Variants in NRG3 observed in about 807,000 individuals in gnomAD.
NRG3 encodes the protein neuregulin 3.
NRG3 carries 31 observed loss-of-function variants against 66.9 expected under a neutral mutation model. The ratio of observed to expected loss-of-function variants is 0.46; its 90% CI spans 0.35 to 0.63. NRG3 has a LOEUF of 0.63. Ranked by LOEUF, NRG3 falls within the 20% of genes least tolerant of loss-of-function variation. The pLI is 0.00. For missense variants in NRG3, 910 were observed against 878.9 expected (o/e 1.04, Z -0.45); for synonymous variants, 393 against 359.4 (o/e 1.09, Z -1.06).
intron 1 of NRG3, among the ~76,000 whole-genome samples, chr10:82,100,012 A>C (rs1264993265): frequency 6.6e-6 from 1 of 150,872 alleles, no homozygotes; most frequent in Admixed American, 6.6e-5. Context: ...ATTTAAAAAA[A>C]CAAGTAAAAT....
intron 8 of NRG3, among the ~76,000 whole-genome samples, chr10:82,982,338 C>CA (rs1853012256): frequency 6.6e-6 from 1 of 152,144 alleles, no homozygotes; most frequent in African/African-American, 2.4e-5. Flanking sequence ...TGCTTCGACT[C>CA]ACATAGTTAC....
intron 1 of NRG3, among the ~76,000 whole-genome samples, chr10:82,094,972 C>T (rs1178431187): frequency 6.6e-6 from 1 of 152,198 alleles, no homozygotes; most frequent in Non-Finnish European, 1.5e-5. Context: ...AAAGCCCTGA[C>T]TTGACCCCTA....
At position 82,978,950 on chromosome 10, in the gene NRG3, G is replaced by A; in HGVS notation, c.1413G>A (p.Arg471=). Residue 471 remains arginine (R), a splice_region_variant and synonymous_variant, in exon 8 of 9, where the codon AGG becomes AGA. Transcript: ENST00000372141. Reference sequence around the variant, plus strand: ...GTCTGTTTTCATTCCACCCCAGCAGGAGTCTATCCTCTTGCTGCAGCCCAG... The same window carrying A: ...GTCTGTTTTCATTCCACCCCAGCAGAAGTCTATCCTCTTGCTGCAGCCCAG... The part of the protein sequence containing the change: ...DRGSQSVKHH[R]SLSSCCSPGQ... 1.2e-6 allele frequency: 2 copies of A among 1,613,426 alleles called. No homozygotes were observed. The highest frequency in any genetic ancestry group is 1.7e-6 in the Non-Finnish European group (2 of 1,179,696).
At chr10:82,818,711 G>A (rs550855055) in intron 3 of NRG3, among the ~76,000 whole-genome samples, 7 of 152,212 alleles carry the variant, frequency 4.6e-5, no homozygotes, top group East Asian at 1.9e-4. Context: ...AGATCGATCT[G>A]AGTGTTCCCA....
At chr10:82,636,558 A>G (rs1212834651) in intron 2 of NRG3, among the ~76,000 whole-genome samples, 1 of 152,134 alleles carries the variant, frequency 6.6e-6, no homozygotes, top group Non-Finnish European at 1.5e-5. Context: ...AGCATAATGT[A>G]CTCCAGGGTT....
chr10:82,612,629 T>G (rs538482859), intron 2 of NRG3, among the ~76,000 whole-genome samples: 1 of 152,284 alleles, frequency 6.6e-6, no homozygotes, highest in South Asian at 2.1e-4. Flanking sequence ...AATGAATGTC[T>G]TTTTTTCTTT....
At chr10:82,341,548 A>G (rs932066304) in intron 1 of NRG3, among the ~76,000 whole-genome samples, 1 of 152,076 alleles carries the variant, frequency 6.6e-6, no homozygotes, top group Non-Finnish European at 1.5e-5. Context: ...GTTGGTTTGA[A>G]TTGTTAAAAC....
At chr10:82,908,367 G>C (rs897102117) in intron 4 of NRG3, among the ~76,000 whole-genome samples, 1 of 152,196 alleles carries the variant, frequency 6.6e-6, no homozygotes, top group African/African-American at 2.4e-5. Context: ...AATGTTTTCT[G>C]AGAAGAAATC....
At chr10:82,370,999 C>G (rs1049831206) in intron 2 of NRG3, among the ~76,000 whole-genome samples, 1 of 151,998 alleles carries the variant, frequency 6.6e-6, no homozygotes, top group Admixed American at 6.6e-5. Context: ...CATATACACA[C>G]AGTCTGTTTA....
intron 1 of NRG3, among the ~76,000 whole-genome samples, chr10:81,910,053 A>G (rs1349691590): frequency 5.3e-5 from 8 of 152,224 alleles, no homozygotes; most frequent in African/African-American, 1.9e-4. Flanking sequence ...AAAAACATCT[A>G]AACTCATATT....
At chr10:82,790,154 A>G (rs1331326626) in intron 3 of NRG3, among the ~76,000 whole-genome samples, 1 of 152,028 alleles carries the variant, frequency 6.6e-6, no homozygotes, top group African/African-American at 2.4e-5. Context: ...ATTGTCTCTA[A>G]TATTTATTTA....
At chr10:82,513,903 C>T (rs896301734) in intron 2 of NRG3, among the ~76,000 whole-genome samples, 1 of 152,186 alleles carries the variant, frequency 6.6e-6, no homozygotes, top group Non-Finnish European at 1.5e-5. Context: ...GATGGCATCT[C>T]ATTGTGGTTT....
At chr10:82,154,094 GT>G (rs2071000483) in intron 1 of NRG3, among the ~76,000 whole-genome samples, 1 of 151,910 alleles carries the variant, frequency 6.6e-6, no homozygotes, top group East Asian at 1.9e-4. Flanking sequence ...CCATTTGTCT[GT>G]TTTTGCTTTT....
chr10:82,600,353 C>T (rs2047543188), intron 2 of NRG3, among the ~76,000 whole-genome samples: 1 of 152,102 alleles, frequency 6.6e-6, no homozygotes, highest in Non-Finnish European at 1.5e-5. Context: ...ATTACAATTT[C>T]CTTACCCTAT....
intron 4 of NRG3, among the ~76,000 whole-genome samples, chr10:82,886,716 C>T (rs1479382835): frequency 6.6e-6 from 1 of 152,168 alleles, no homozygotes; most frequent in African/African-American, 2.4e-5. Context: ...TGAGATGCTA[C>T]AAGACATGCC....
intron 2 of NRG3, among the ~76,000 whole-genome samples, chr10:82,670,144 C>A (rs1429728515): frequency 1.3e-5 from 2 of 152,094 alleles, no homozygotes; most frequent in Non-Finnish European, 2.9e-5. Flanking sequence ...GAACTCCTTG[C>A]CTTCTTTCAC....
chr10:82,920,322 G>C (rs572579089), intron 4 of NRG3, among the ~76,000 whole-genome samples: 1 of 152,118 alleles, frequency 6.6e-6, no homozygotes, highest in African/African-American at 2.4e-5. Flanking sequence ...GTGGAAGCCA[G>C]ATTTGTTGAA....
chr10:82,367,730 C>T (rs920780824), intron 2 of NRG3, among the ~76,000 whole-genome samples: 5 of 152,074 alleles, frequency 3.3e-5, no homozygotes, highest in South Asian at 2.1e-4. Flanking sequence ...CGTGGTGGCT[C>T]ACGCTTGTAA....
chr10:82,502,102 T>C (rs932129040), intron 2 of NRG3, among the ~76,000 whole-genome samples: 2 of 152,230 alleles, frequency 1.3e-5, no homozygotes, highest in Non-Finnish European at 2.9e-5. Context: ...GATAAGCATA[T>C]GTCAAGAAAT....
Sources: gnomAD v4.1 joint callset for allele counts (sites outside exome capture counted in the v4.1 genomes callset) on GRCh38, gnomAD v4.1.1 for gene constraint, MANE v1.5 for transcripts, NCBI Gene and HGNC (gene_info 2026-07-23, HGNC 2026-07-21) for gene names.